Variants in DLGAP1 observed in about 807,000 individuals in gnomAD.
DLGAP1 encodes disks large-associated protein 1.
Under a neutral mutation model 90.8 loss-of-function variants are expected in DLGAP1, and 11 were observed. The observed-to-expected ratio is 0.12, with a 90% CI of 0.08 to 0.20. DLGAP1 has a LOEUF of 0.20. DLGAP1 is among the 10% of genes least tolerant of loss of function. The pLI is 1.00. For missense variants in DLGAP1, 1,050 were observed against 1,333.8 expected, an observed-to-expected ratio of 0.79 and a Z score of 3.31; for synonymous variants, 558 against 540.7, an observed-to-expected ratio of 1.03 and a Z score of -0.44.
chr18:3,601,414 C>G (rs937272986), intron 7 of DLGAP1, among the ~76,000 whole-genome samples: 4 of 151,830 alleles, frequency 2.6e-5, no homozygotes, highest in African/African-American at 7.3e-5. Flanking sequence ...TGTGGTCTTA[C>G]AGATAAACAC....
At chr18:4,271,066 G>A (rs1437449227) in intron 1 of DLGAP1, among the ~76,000 whole-genome samples, 2 of 152,134 alleles carry the variant, frequency 1.3e-5, no homozygotes, top group Non-Finnish European at 2.9e-5. Context: ...GAAGCCAGCT[G>A]ATTCACAATC....
chr18:4,363,799 A>C lies in DLGAP1; in HGVS notation c.-267+91207T>G, dbSNP rs1479784558. Among the ~76,000 whole-genome samples, 81 of 152,080 alleles carry C rather than the reference A, an allele frequency of 5.3e-4. 1 individual carries two copies. The highest frequency in any genetic ancestry group is 1.9e-3 in the African/African-American group (77 of 41,506). On this transcript the variant is annotated intron_variant, in intron 1 of 12. Transcript: ENST00000315677. ...GTGGAGAAATAGGAACACTTTTACA[A>C]GGTTGGTGGGACTGTAAACTAGTTC...
intron 2 of DLGAP1, among the ~76,000 whole-genome samples, chr18:4,033,683 GA>G (rs1199947655): frequency 6.6e-6 from 1 of 150,854 alleles, no homozygotes; most frequent in East Asian, 1.9e-4. Flanking sequence ...TAATTCGGGT[GA>G]AAAATGGTAT....
At chr18:3,646,532 ATTAG>A (rs1174619615) in intron 7 of DLGAP1, among the ~76,000 whole-genome samples, 5 of 152,244 alleles carry the variant, frequency 3.3e-5, no homozygotes, top group Non-Finnish European at 5.9e-5. Context: ...CATCAAGCTC[ATTAG>A]TTAGATTGCC....
intron 3 of DLGAP1, among the ~76,000 whole-genome samples, chr18:3,900,655 G>C (rs776439241): frequency 6.6e-6 from 1 of 152,172 alleles, no homozygotes; most frequent in Non-Finnish European, 1.5e-5. Context: ...ACTTGTAAAA[G>C]AGGAACATTA....
At chr18:4,109,463 A>G (rs1468626129) in intron 2 of DLGAP1, among the ~76,000 whole-genome samples, 2 of 152,206 alleles carry the variant, frequency 1.3e-5, no homozygotes, top group African/African-American at 2.4e-5. Context: ...GAATTAAAAC[A>G]TTCCATGGTT....
chr18:3,888,349 A>C (rs984869266), intron 3 of DLGAP1, among the ~76,000 whole-genome samples: 1 of 152,150 alleles, frequency 6.6e-6, no homozygotes, highest in African/African-American at 2.4e-5. Flanking sequence ...GAATAAGCAC[A>C]TTCTGAAATA....
intron 10 of DLGAP1, among the ~76,000 whole-genome samples, chr18:3,516,012 C>T (rs1346592960): frequency 6.6e-6 from 1 of 152,110 alleles, no homozygotes; most frequent in Non-Finnish European, 1.5e-5. Flanking sequence ...GTCACATTTA[C>T]AGGCTTCACT....
intron 1 of DLGAP1, among the ~76,000 whole-genome samples, chr18:4,345,056 G>A (rs555769070): frequency 6.6e-6 from 1 of 152,258 alleles, no homozygotes; most frequent in South Asian, 2.1e-4. Flanking sequence ...GTGTGCTTGA[G>A]AGGGCAAACC....
chr18:3,877,399 A>T lies in DLGAP1; in HGVS notation c.957+1713T>A, dbSNP rs2071031415. ...TCCATACACAGCATCCTTTACTCTG[A>T]TACTTCTCATCTAATCTCATCATTA... On this transcript the variant is annotated intron_variant, in intron 4 of 12. Transcript: ENST00000315677. 2.0e-5 allele frequency among the ~76,000 whole-genome samples: 3 copies of T among 152,178 alleles called. No individual in the cohort carries two copies. The South Asian group carries it at 6.2e-4, about 32-fold the overall frequency.
At chr18:3,782,575 T>A (rs2065250787) in intron 5 of DLGAP1, among the ~76,000 whole-genome samples, 1 of 152,146 alleles carries the variant, frequency 6.6e-6, no homozygotes, top group Admixed American at 6.5e-5. Context: ...TGGCCCAAGT[T>A]TTTCTGGGTA....
At chr18:4,163,202 C>T (rs1387878027) in intron 1 of DLGAP1, among the ~76,000 whole-genome samples, 1 of 152,182 alleles carries the variant, frequency 6.6e-6, no homozygotes, top group African/African-American at 2.4e-5. Flanking sequence ...CATATATCTT[C>T]TAATATACAT....
intron 5 of DLGAP1, among the ~76,000 whole-genome samples, chr18:3,744,131 A>T (rs1384542280): frequency 2.0e-5 from 3 of 152,198 alleles, no homozygotes; most frequent in Non-Finnish European, 4.4e-5. Context: ...GAAATCAGAA[A>T]ATTTTGAAAA....
At chr18:3,995,814 A>G (rs2074058558) in intron 3 of DLGAP1, 1 of 151,954 alleles carries the variant, frequency 6.6e-6, no homozygotes, top group Non-Finnish European at 1.5e-5. Flanking sequence ...CTTTCTGTAA[A>G]TTATTTAGAT....
chr18:3,504,679 C>T (rs980040452), intron 11 of DLGAP1, among the ~76,000 whole-genome samples: 22 of 152,058 alleles, frequency 1.4e-4, no homozygotes, highest in Non-Finnish European at 2.8e-4. Context: ...CACTTCGCCC[C>T]GCCAGTGTTT....
At chr18:4,169,075 A>G (rs1698721119) in intron 1 of DLGAP1, among the ~76,000 whole-genome samples, 1 of 152,166 alleles carries the variant, frequency 6.6e-6, no homozygotes. Context: ...CTAGAGTGCA[A>G]TTGCTGGATC....
At chr18:4,000,347 C>T (rs2074157095) in intron 3 of DLGAP1, among the ~76,000 whole-genome samples, 1 of 152,094 alleles carries the variant, frequency 6.6e-6, no homozygotes, top group Admixed American at 6.6e-5. Context: ...CATTGATATC[C>T]TTGAGGCAAT....
chr18:4,013,197 G>A (rs965812146), intron 2 of DLGAP1, among the ~76,000 whole-genome samples: 6 of 152,140 alleles, frequency 3.9e-5, no homozygotes, highest in Admixed American at 2.6e-4. Flanking sequence ...CTCAAATCAT[G>A]ATTGCAAATG....
intron 7 of DLGAP1, among the ~76,000 whole-genome samples, chr18:3,694,123 T>G (rs1380708047): frequency 6.7e-6 from 1 of 149,290 alleles, no homozygotes; most frequent in African/African-American, 2.5e-5. Context: ...CACTTATGAG[T>G]AAGAACATGT....
Sources: gnomAD v4.1 joint callset for allele counts (sites outside exome capture counted in the v4.1 genomes callset) on GRCh38, gnomAD v4.1.1 for gene constraint, MANE v1.5 for transcripts, NCBI Gene and HGNC (gene_info 2026-07-23, HGNC 2026-07-21) for gene names.